Variants in GABBR2 observed in about 807,000 individuals in gnomAD.
GABBR2 encodes G-protein coupled receptor 51.
Under a neutral mutation model 105.6 loss-of-function variants are expected in GABBR2, and 23 were observed. The observed-to-expected ratio is 0.22, with a 90% CI of 0.16 to 0.31. GABBR2 has a LOEUF of 0.31. GABBR2 is among the 10% of genes least tolerant of loss of function. The probability of loss-of-function intolerance (pLI) is 1.00; values close to 1 mark genes in which losing one functional copy is unlikely to be tolerated. For missense variants in GABBR2, 734 were observed against 1,245.5 expected (o/e 0.59, Z 6.18); for synonymous variants, 478 against 499.7 (o/e 0.96, Z 0.58).
At chr9:98,571,339 T>TC (rs1438625193) in intron 2 of GABBR2, among the ~76,000 whole-genome samples, 1 of 152,014 alleles carries the variant, frequency 6.6e-6, no homozygotes, top group African/African-American at 2.4e-5. Flanking sequence ...CCTGGCAGCA[T>TC]CCCCCTGTGA....
chr9:98,322,086 G>A (rs1427902890), intron 13 of GABBR2, among the ~76,000 whole-genome samples: 2 of 152,006 alleles, frequency 1.3e-5, no homozygotes, highest in Non-Finnish European at 2.9e-5. Context: ...TCATTTCCAG[G>A]GAACTCTTGG....
intron 1 of GABBR2, among the ~76,000 whole-genome samples, chr9:98,692,955 C>G (rs1464734362): frequency 6.6e-6 from 1 of 152,182 alleles, no homozygotes; most frequent in Non-Finnish European, 1.5e-5. Context: ...TGACATATTC[C>G]TTGGAATGCT....
chr9:98,557,457 TA>T (rs781689920), intron 2 of GABBR2, among the ~76,000 whole-genome samples: 32 of 152,312 alleles, frequency 2.1e-4, no homozygotes, highest in Middle Eastern at 3.4e-3. Context: ...GGTCCATGTG[TA>T]ACTGTTTCAG....
intron 3 of GABBR2, among the ~76,000 whole-genome samples, chr9:98,529,080 T>A (rs1357497917): frequency 6.6e-6 from 1 of 151,526 alleles, no homozygotes; most frequent in Non-Finnish European, 1.5e-5. Context: ...AGGAATTGGA[T>A]AAAGATGGTG....
At chr9:98,681,504 A>T (rs569373768) in intron 1 of GABBR2, among the ~76,000 whole-genome samples, 16 of 151,762 alleles carry the variant, frequency 1.1e-4, no homozygotes, top group African/African-American at 2.9e-4. Flanking sequence ...GAGTTGGTGC[A>T]GCGTACCAGC....
In GABBR2 at chr9:98,390,232, G is replaced by C. The variant is rs908450818; in HGVS notation, c.1379-1228C>G. On this transcript the variant is annotated intron_variant, in intron 9 of 18. Transcript: ENST00000259455. Reference sequence around the variant, plus strand: ...TCTACCGAAAATACGAAAATAGCTGGGTGTGCTGGTGCACACCTGTAGTCC... The same window carrying C: ...TCTACCGAAAATACGAAAATAGCTGCGTGTGCTGGTGCACACCTGTAGTCC... Among the ~76,000 whole-genome samples the C allele has an allele frequency of 5.3e-5, 8 of 151,770 alleles. No individual in the cohort carries two copies. The South Asian group carries it at 1.3e-3, about 24-fold the overall frequency.
chr9:98,410,621 G>A (rs987973620), intron 7 of GABBR2, among the ~76,000 whole-genome samples: 1 of 151,718 alleles, frequency 6.6e-6, no homozygotes, highest in Non-Finnish European at 1.5e-5. Flanking sequence ...GGAGTGTGGG[G>A]GCCCCTGGCT....
intron 1 of GABBR2, among the ~76,000 whole-genome samples, chr9:98,604,006 G>C (rs1333448607): frequency 6.6e-6 from 1 of 152,206 alleles, no homozygotes; most frequent in Non-Finnish European, 1.5e-5. Flanking sequence ...AAGTAGCTCT[G>C]TTTGGCTGGG....
intron 6 of GABBR2, among the ~76,000 whole-genome samples, chr9:98,471,347 G>A (rs1169940121): frequency 2.0e-5 from 3 of 152,314 alleles, no homozygotes; most frequent in Non-Finnish European, 4.4e-5. Context: ...GTCCCAAGGT[G>A]TCCCATGCAT....
At chr9:98,406,863 T>G (rs931145094) in intron 7 of GABBR2, among the ~76,000 whole-genome samples, 17 of 152,212 alleles carry the variant, frequency 1.1e-4, no homozygotes, top group African/African-American at 3.6e-4. Context: ...ATGTCATCTC[T>G]TCTTTCCGAT....
chr9:98,606,845 T>G, intron 1 of GABBR2: 4 of 472,884 alleles, frequency 8.5e-6, no homozygotes, highest in Non-Finnish European at 1.6e-5. Context: ...CGAGAGCCAC[T>G]GCTGCTGAGG....
chr9:98,398,427 C>T (rs1832332754), intron 8 of GABBR2, among the ~76,000 whole-genome samples: 1 of 152,078 alleles, frequency 6.6e-6, no homozygotes, highest in Admixed American at 6.6e-5. Flanking sequence ...TGGGGAAGTC[C>T]CATCCCCAAC....
At chr9:98,301,975 C>T (rs1830477024) in intron 16 of GABBR2, among the ~76,000 whole-genome samples, 1 of 152,182 alleles carries the variant, frequency 6.6e-6, no homozygotes, top group Non-Finnish European at 1.5e-5. Context: ...AATAAAAATC[C>T]AGAATGTCCA....
At chr9:98,559,705 C>G (rs1447769788) in intron 2 of GABBR2, among the ~76,000 whole-genome samples, 1 of 152,040 alleles carries the variant, frequency 6.6e-6, no homozygotes, top group Non-Finnish European at 1.5e-5. Flanking sequence ...AATTCATACC[C>G]AGTTTACACT....
intron 2 of GABBR2, among the ~76,000 whole-genome samples, chr9:98,567,018 A>G (rs1158590962): frequency 2.6e-5 from 4 of 152,174 alleles, no homozygotes; most frequent in Non-Finnish European, 5.9e-5. Flanking sequence ...AGTTCTTTCT[A>G]GATGCAATCT....
rs76266330 is a variant in GABBR2, at chr9:98,581,983, C to A, written c.322-3911G>T. On this transcript the variant is annotated intron_variant, in intron 1 of 18. Transcript: ENST00000259455. ...AAAATATCTGAGACTATTTGACAAC[C>A]AGTATTGGAGCTGGAGAATCTTACA... Among the ~76,000 whole-genome samples the A allele has an allele frequency of 8.8e-3, 1,347 of 152,236 alleles. 15 individuals are homozygous for A. Among genetic ancestry groups the A allele is most frequent in the African/African-American group, 0.03 (1,258 of 41,536 alleles).
chr9:98,445,800 C>T (rs1053388603), intron 7 of GABBR2, among the ~76,000 whole-genome samples: 1 of 152,222 alleles, frequency 6.6e-6, no homozygotes, highest in Non-Finnish European at 1.5e-5. Flanking sequence ...GCAGGGGCAC[C>T]TGCAGCAGCT....
chr9:98,505,199 A>G (rs868774489), intron 3 of GABBR2, among the ~76,000 whole-genome samples: 3 of 152,218 alleles, frequency 2.0e-5, no homozygotes, highest in Non-Finnish European at 2.9e-5. Context: ...TGCCTGTCCA[A>G]CCTGATGTGC....
intron 3 of GABBR2, among the ~76,000 whole-genome samples, chr9:98,521,642 A>C (rs567023558): frequency 6.6e-6 from 1 of 152,276 alleles, no homozygotes; most frequent in South Asian, 2.1e-4. Context: ...CCATTTAAAC[A>C]AGAAAGGCCC....
Sources: allele counts gnomAD v4.1 joint callset (sites outside exome capture counted in the v4.1 genomes callset), GRCh38; gene constraint gnomAD v4.1.1; transcripts MANE v1.5; gene names NCBI Gene and HGNC (gene_info 2026-07-23, HGNC 2026-07-21).